The following ADGRL1 variants were observed in gnomAD, a reference collection of about 807,000 sequenced individuals.
ADGRL1 encodes CIRL-1.
Under a neutral mutation model 148.9 loss-of-function variants are expected in ADGRL1, and 31 were observed. The observed-to-expected ratio is 0.21, with a 90% CI of 0.16 to 0.28. The LOEUF (loss-of-function observed/expected upper bound fraction) is 0.28, where lower values mean the gene tolerates loss of function less well. ADGRL1 is among the 10% of genes least tolerant of loss of function. ADGRL1 has a pLI of 1.00. For missense variants in ADGRL1, 1,521 were observed against 2,058.8 expected (o/e 0.74, Z 5.05); for synonymous variants, 937 against 900.3 (o/e 1.04, Z -0.73).
At position 14,156,210 on chromosome 19, in the gene ADGRL1, G is replaced by A. The variant is rs781455627; in HGVS notation, c.3034-9C>T. ...AGGAACACCAGGTTGACCTGGGGGC[G>A]GGACAAGGGGCAGGCTGGGCTGAGA... On this transcript the variant is annotated splice_polypyrimidine_tract_variant and intron_variant, in intron 16 of 22. Transcript: ENST00000361434. 3.7e-5 allele frequency: 60 copies of A among 1,606,180 alleles called. No homozygotes were observed. Among genetic ancestry groups the A allele is most frequent in the Non-Finnish European group, 4.1e-5 (48 of 1,174,958 alleles).
chr19:14,158,233 C>G (rs749755917), intron 12 of ADGRL1, 105 bp downstream of exon 12: 4 of 1,319,842 alleles, frequency 3.0e-6, no homozygotes, highest in Non-Finnish European at 3.2e-6. Context: ...AGTGGAAGAA[C>G]CCATAACTTG....
At chr19:14,198,335 G>T (rs1317551759) in intron 1 of ADGRL1, among the ~76,000 whole-genome samples, 1 of 152,038 alleles carries the variant, frequency 6.6e-6, no homozygotes, top group Non-Finnish European at 1.5e-5. Context: ...GACTGTGTGT[G>T]GGGAGGGTTG....
At position 14,198,489 on chromosome 19, in the gene ADGRL1, C is replaced by T. The variant is rs1215833725; in HGVS notation, c.-96+7496G>A. Among the ~76,000 whole-genome samples, 6 of 152,154 alleles carry T rather than the reference C, an allele frequency of 3.9e-5. No homozygotes were observed. The East Asian group carries it at 1.2e-3, about 29-fold the overall frequency. On this transcript the variant is annotated intron_variant, in intron 1 of 22. Transcript: ENST00000361434. Reference sequence around the variant, plus strand: ...GGTTGCCTCCTGGCCTCCCTTCTGGCCTCCTGGCCTCCCTTCCTGCCAACT... The same window carrying T: ...GGTTGCCTCCTGGCCTCCCTTCTGGTCTCCTGGCCTCCCTTCCTGCCAACT...
At position 14,150,949 on chromosome 19, in the gene ADGRL1, C is replaced by T. The variant is rs976845512; in HGVS notation, c.4334G>A (p.Gly1445Asp). ...CTCAAGGCCTGGGGCTGCCAGGTAG[C>T]CCTCGTGGCTAGGACGCCGCACCTG... ...YYQVRRPSHE[G>D]YLAAPGLEGP... is the part of the protein sequence containing the mutation. The change falls in exon 23 of 23, where the codon GGC becomes GAC. Residue 1445 changes from glycine (G) to aspartate (D), a missense_variant. Around this residue, in one of 8 missense-constraint regions of ADGRL1, gnomAD observed 390 missense variants for 375.0 expected, o/e 1.04. Coordinates refer to ENST00000361434, the MANE Select transcript of ADGRL1 (RefSeq NM_014921.5). 2 of 1,609,726 alleles carry T rather than the reference C, an allele frequency of 1.2e-6. No homozygotes were observed. The highest frequency in any genetic ancestry group is 2.2e-5 in the East Asian group (1 of 44,802).
Position 14,157,575 on chromosome 19 carries a change from G to A in ADGRL1, c.2536-115C>T. 1 of 1,046,252 alleles carries A rather than the reference G, an allele frequency of 9.6e-7. No homozygotes were observed. Among genetic ancestry groups the A allele is most frequent in the South Asian group, 1.4e-5 (1 of 69,390 alleles). The allele number at this position is 1,046,252 out of a possible 1,614,324, so 64.8% of individuals were successfully genotyped here. On this transcript the variant is annotated intron_variant, in intron 13 of 22. Coordinates refer to ENST00000361434, the MANE Select transcript of ADGRL1 (RefSeq NM_014921.5). This position sits in a 1 kb window ranked among gnomAD's most constrained non-coding sequence, Gnocchi z 7.5. ...AGGCCATGGGCCGTGAGGACCTCTG[G>A]TGCCGCCAACCTGGCAGCCCTCACC...
chr19:14,201,559 G>C (rs1323040957), intron 1 of ADGRL1, among the ~76,000 whole-genome samples: 3 of 151,702 alleles, frequency 2.0e-5, no homozygotes, highest in African/African-American at 4.8e-5. Context: ...TGAGACTACA[G>C]GTACATATTC....
intron 4 of ADGRL1, 88 bp downstream of exon 4, chr19:14,170,594 G>A: frequency 1.3e-6 from 1 of 761,254 alleles, no homozygotes; most frequent in Non-Finnish European, 2.3e-6. Flanking sequence ...CCATGCATGT[G>A]TGCACATGTG....
chr19:14,157,787 C>G lies in ADGRL1; in HGVS notation c.2535+95G>C. On this transcript the variant is annotated intron_variant, in intron 13 of 22. Transcript: ENST00000361434. The surrounding 1 kb of genome is among the most constrained non-coding windows in gnomAD (Gnocchi z 7.5). The stretch of plus-strand genomic sequence containing the variant: ...GGCCCCCCACACCCATGGGGCTAGC[C>G]TCCCCTGGTACTGCCCGTGATCTCT... The G allele has an allele frequency of 1.4e-6, 2 of 1,456,594 alleles. No individual in the cohort carries two copies. Among genetic ancestry groups the G allele is most frequent in the Non-Finnish European group, 1.8e-6 (2 of 1,081,220 alleles). The allele number at this position is 1,456,594 out of a possible 1,614,324, so 90.2% of individuals were successfully genotyped here.
intron 3 of ADGRL1, among the ~76,000 whole-genome samples, chr19:14,174,783 G>A (rs568324226): frequency 3.3e-5 from 5 of 149,414 alleles, no homozygotes; most frequent in Admixed American, 6.7e-5. Context: ...TGATCCACCC[G>A]CCATGGCCTC....
chr19:14,198,165 C>A (rs868353959), intron 1 of ADGRL1, among the ~76,000 whole-genome samples: 5 of 151,632 alleles, frequency 3.3e-5, no homozygotes, highest in African/African-American at 7.3e-5. Context: ...GAGGTGAGGG[C>A]GGCTGGGGAG....
At chr19:14,201,519 C>T (rs1972612993) in intron 1 of ADGRL1, among the ~76,000 whole-genome samples, 1 of 151,628 alleles carries the variant, frequency 6.6e-6, no homozygotes, top group African/African-American at 2.4e-5. Context: ...TGGGCTCAAG[C>T]CATCCTCCCA....
rs775273077 is a variant in ADGRL1, at chr19:14,161,601, G to A, written c.1221C>T (p.Ser407=). 2.1e-6 allele frequency: 3 copies of A among 1,427,230 alleles called. No homozygotes were observed. The highest frequency in any genetic ancestry group is 5.5e-5 in the East Asian group (2 of 36,660). The allele number at this position is 1,427,230 out of a possible 1,614,324, so 88.4% of individuals were successfully genotyped here. ...GCGTGGGCCTGGCTGTGGTGGTCGT[G>A]CTGAGGGGTGGGGAAGTGGCTGGGC... ...SAGPATSPPL[S]TTTTARPTPL... The change falls in exon 6 of 23, where the codon AGC becomes AGT. Residue 407 remains serine, a synonymous_variant. Coordinates refer to ENST00000361434, the MANE Select transcript of ADGRL1 (RefSeq NM_014921.5). This position sits in a 1 kb window ranked among gnomAD's most constrained non-coding sequence, Gnocchi z 4.4.
chr19:14,159,893 T>G lies in ADGRL1; in HGVS notation c.1801-120A>C, dbSNP rs1969163590. 1 of 1,051,302 alleles carries G rather than the reference T, an allele frequency of 9.5e-7. No individual in the cohort carries two copies. Among genetic ancestry groups the G allele is most frequent in the South Asian group, 1.3e-5 (1 of 77,846 alleles). 65.1% of individuals were successfully genotyped at this position (1,051,302 alleles called of 1,614,324 possible). On this transcript the variant is annotated intron_variant, in intron 8 of 22. Coordinates refer to ENST00000361434, the MANE Select transcript of ADGRL1 (RefSeq NM_014921.5). The surrounding 1 kb of genome is among the most constrained non-coding windows in gnomAD (Gnocchi z 6.0). ...TTACCACTGACCCAGGGCTGGGCTA[T>G]CAGCAAGACATTCCTCAGGGATCCC...
chr19:14,180,697 A>G (rs776054767), intron 2 of ADGRL1, among the ~76,000 whole-genome samples: 5 of 151,694 alleles, frequency 3.3e-5, no homozygotes, highest in Non-Finnish European at 7.4e-5. Context: ...CTACAGGCAC[A>G]TACCACCATG....
At chr19:14,170,405 G>C in intron 4 of ADGRL1, 1 of 359,342 alleles carries the variant, frequency 2.8e-6, no homozygotes, top group Non-Finnish European at 5.2e-6. Context: ...ATGAGTATAG[G>C]GTGCATGAAG....
rs1969006480 is a variant in ADGRL1 at position 14,158,549 on chromosome 19, A to G, written c.2153T>C (p.Val718Ala). ...KTIKQNSRNGVVKVVFILYNN... is the reference protein window; with the variant it reads ...KTIKQNSRNGAVKVVFILYNN... ...GTAGAGGATGAAGACAACTTTGACCACCCCTGGTGAGAACAGGCACGTTTG... is the reference window on the plus strand; with the variant it reads ...GTAGAGGATGAAGACAACTTTGACCGCCCCTGGTGAGAACAGGCACGTTTG... Residue 718 changes from valine (V) to alanine (A), a missense_variant, in exon 12 of 23, where the codon GTG becomes GCG. Coordinates refer to ENST00000361434, the MANE Select transcript of ADGRL1 (RefSeq NM_014921.5). The G allele has an allele frequency of 1.2e-6, 2 of 1,613,110 alleles. No homozygotes were observed. The highest frequency in any genetic ancestry group is 2.2e-5 in the East Asian group (1 of 44,872).
chr19:14,188,469 C>A (rs1971723304), intron 1 of ADGRL1, among the ~76,000 whole-genome samples: 1 of 152,160 alleles, frequency 6.6e-6, no homozygotes, highest in Admixed American at 6.5e-5. Context: ...CCACCGGGAA[C>A]TCCAAGGCAC....
rs1459902302 is a variant in ADGRL1, at chr19:14,149,353, C to T, written c.*1520G>A. 1 of 152,636 alleles carries T rather than the reference C, an allele frequency of 6.6e-6. No homozygotes were observed. The highest frequency in any genetic ancestry group is 2.4e-5 in the African/African-American group (1 of 41,448). 9.5% of individuals were successfully genotyped at this position (152,636 alleles called of 1,614,324 possible). ...CTCTCACCTTTGCCCCTCCCCATCC[C>T]CCAGACCGCCTTGCCGTTCCCAGCA... On this transcript the variant is annotated 3_prime_UTR_variant, in exon 23 of 23. Coordinates refer to ENST00000361434, the MANE Select transcript of ADGRL1 (RefSeq NM_014921.5).
At position 14,157,004 on chromosome 19, in the gene ADGRL1, G is replaced by A. The variant is rs1225052726; in HGVS notation, c.2887C>T (p.Leu963=). 6.2e-7 allele frequency: 1 copy of A among 1,613,964 alleles called. No homozygotes were observed. ...AGGGCCGGGAAGCAGTAGCCACCCA[G>A]GTAGTAGTACTTGGTGCGGGAATAC... ...SEYSRTKYYY[L]GGYCFPALVV... The change falls in exon 15 of 23, where the codon CTG becomes TTG. Residue 963 remains leucine (L), a synonymous_variant. Transcript: ENST00000361434. This position sits in a 1 kb window ranked among gnomAD's most constrained non-coding sequence, Gnocchi z 7.5.
Sources: allele counts gnomAD v4.1 joint callset (sites outside exome capture counted in the v4.1 genomes callset), GRCh38; gene constraint gnomAD v4.1.1; regional missense constraint gnomAD v4.1.1; non-coding constraint Gnocchi (gnomAD v3.1); transcripts MANE v1.5; gene names NCBI Gene and HGNC (gene_info 2026-07-23, HGNC 2026-07-21).